Variants in HEXA observed in about 807,000 individuals in gnomAD.
HEXA encodes hexosaminidase subunit alpha, also known as beta-hexosaminidase subunit alpha.
In HEXA, 54 loss-of-function variants were observed where a neutral mutation model predicts 73.3. The observed-to-expected ratio is 0.74, with a 90% CI of 0.59 to 0.92. The LOEUF is 0.92. Among genes scored for constraint, HEXA ranks in the 40% least tolerant of loss-of-function variants. The pLI, the probability that HEXA is intolerant of heterozygous loss-of-function variation, is 0.00. For missense variants in HEXA, 649 were observed against 653.0 expected, an observed-to-expected ratio of 0.99 and a Z score of 0.07; for synonymous variants, 230 against 246.9, an observed-to-expected ratio of 0.93 and a Z score of 0.64.
In HEXA at chr15:72,353,130, G is replaced by A. The variant is rs121907972; in HGVS notation, c.508C>T (p.Arg170Trp). 1.6e-5 allele frequency: 26 copies of A among 1,613,514 alleles called. No homozygotes were observed. The highest frequency in any genetic ancestry group is 2.1e-5 in the Non-Finnish European group (25 of 1,179,620). ...EIEDFPRFPHRGLLLDTSRHY... is the reference protein window; with the variant it reads ...EIEDFPRFPHWGLLLDTSRHY... ...CGAGATGTATCCAACAGCAAGCCCC[G>A]GTGAGGAAAGCGGGGAAAGTCCTCA... The change falls in exon 5 of 14, where the codon CGG becomes TGG. Residue 170 changes from arginine to tryptophan, a missense_variant. Coordinates refer to ENST00000268097, the MANE Select transcript of HEXA (RefSeq NM_000520.6).
At chr15:72,346,784 AC>A in intron 10 of HEXA, 74 bp from the exon 11 acceptor site, 1 of 1,338,714 alleles carries the variant, frequency 7.5e-7, no homozygotes, top group African/African-American at 1.4e-5. Flanking sequence ...TACACAGGCA[AC>A]ATGGGACAAC....
chr15:72,357,780 C>T (rs1361066988), intron 1 of HEXA: 1 of 152,174 alleles, frequency 6.6e-6, no homozygotes, highest in African/African-American at 2.4e-5. Flanking sequence ...CTGCTCAGAC[C>T]TCTTGAGCAC....
At chr15:72,350,085 G>C in intron 7 of HEXA, 2 of 255,812 alleles carry the variant, frequency 7.8e-6, no homozygotes, top group Non-Finnish European at 1.5e-5. Flanking sequence ...TTTTCTATCA[G>C]GCCAGTAGCC....
intron 7 of HEXA, among the ~76,000 whole-genome samples, chr15:72,349,768 G>A (rs921591075): frequency 7.2e-5 from 11 of 151,938 alleles, no homozygotes; most frequent in African/African-American, 2.7e-4. Context: ...GGTTGTTGTT[G>A]TTTGTTTGTT....
intron 1 of HEXA, among the ~76,000 whole-genome samples, chr15:72,360,900 T>A (rs1190817131): frequency 6.6e-6 from 1 of 152,208 alleles, no homozygotes; most frequent in African/African-American, 2.4e-5. Flanking sequence ...AGTGCTTAGC[T>A]CAGTGCCTGG....
chr15:72,359,108 G>A (rs2088820794), intron 1 of HEXA: 1 of 152,208 alleles, frequency 6.6e-6, no homozygotes, highest in Non-Finnish European at 1.5e-5. Context: ...ACAGACCAGA[G>A]GGCTGGGAAA....
At chr15:72,374,857 C>T (rs2140343373) in intron 1 of HEXA, among the ~76,000 whole-genome samples, 1 of 152,212 alleles carries the variant, frequency 6.6e-6, no homozygotes, top group South Asian at 2.1e-4. Flanking sequence ...CCTCATCCCT[C>T]CTCAATCCCC....
intron 13 of HEXA, 61 bp downstream of exon 13, chr15:72,345,385 G>C (rs2088596620): frequency 6.2e-7 from 1 of 1,609,238 alleles, no homozygotes; most frequent in Admixed American, 1.7e-5. Context: ...CTCTCTCTAA[G>C]GGGTTCCCCA....
chr15:72,375,326 G>C (rs1298731863), intron 1 of HEXA, among the ~76,000 whole-genome samples: 1 of 152,112 alleles, frequency 6.6e-6, no homozygotes, highest in African/African-American at 2.4e-5. Context: ...CTGACCTCGT[G>C]ATCCGCCCGC....
At chr15:72,353,927 G>T (rs1479695752) in intron 3 of HEXA, 190 bp from the exon 4 acceptor site, 4 of 642,128 alleles carry the variant, frequency 6.2e-6, no homozygotes, top group Non-Finnish European at 1.1e-5. Context: ...CTTTACTTCT[G>T]TATTTCATTT....
chr15:72,347,793 T>G, intron 9 of HEXA, 35 bp from the exon 10 acceptor site: 1 of 1,586,058 alleles, frequency 6.3e-7, no homozygotes, highest in Non-Finnish European at 8.7e-7. Context: ...AAGTGTCTGC[T>G]TAGCTCAGAT....
rs1277583383 is a variant in HEXA, at chr15:72,375,966, T to C, written c.7A>G (p.Ser3Gly). ...AGCAGCGAAAACCAAAGCCTGGAGC[T>C]TGTCATGGCCCGCTGGTCTCCCCTC... MT[S>G]SRLWFSLLLA... The change falls in exon 1 of 14, where the codon AGC (serine) becomes GGC (glycine). Residue 3 changes from serine (S) to glycine (G), a missense_variant. Physicochemically the swap from Ser to Gly is moderately conservative, Grantham distance 56. Transcript: ENST00000268097. 1.8e-5 allele frequency: 29 copies of C among 1,613,588 alleles called. No individual in the cohort carries two copies. The highest frequency in any genetic ancestry group is 2.2e-5 in the East Asian group (1 of 44,868).
Position 72,344,014 on chromosome 15 carries a change from G to T in HEXA, c.*63C>A. On this transcript the variant is annotated 3_prime_UTR_variant, in exon 14 of 14. Coordinates refer to ENST00000268097, the MANE Select transcript of HEXA (RefSeq NM_000520.6). The stretch of plus-strand genomic sequence containing the variant: ...AGGGGCTCCGTCCCCTGGCCAGGAT[G>T]CAGTGGAAGCCTGGCTCCACTACCA... 7.3e-7 allele frequency: 1 copy of T among 1,378,212 alleles called. No individual in the cohort carries two copies. 85.4% of individuals were successfully genotyped at this position (1,378,212 alleles called of 1,614,324 possible).
At position 72,347,761 on chromosome 15, in the gene HEXA, G is replaced by T; in HGVS notation, c.1074-3C>A. On this transcript the variant is annotated splice_region_variant and splice_polypyrimidine_tract_variant and intron_variant, in intron 9 of 13. Coordinates refer to ENST00000268097, the MANE Select transcript of HEXA (RefSeq NM_000520.6). ...AAGAAGAGACGATGTCCAGCAGCCT[G>T]GAGAGGAGAGGAGTGTCTAGTAAGT... 1 of 1,613,668 alleles carries T rather than the reference G, an allele frequency of 6.2e-7. No homozygotes were observed. Among genetic ancestry groups the T allele is most frequent in the East Asian group, 2.2e-5 (1 of 44,880 alleles).
In HEXA at chr15:72,356,756, G is replaced by A. The variant is rs140772466; in HGVS notation, c.254-139C>T. On this transcript the variant is annotated intron_variant, in intron 1 of 13. Transcript: ENST00000268097. Reference sequence around the variant, plus strand: ...GACATGGCATTTACCCTTGGCATAGGCAGTGCCTGATCATCTGTTCAGCTG... The same window carrying A: ...GACATGGCATTTACCCTTGGCATAGACAGTGCCTGATCATCTGTTCAGCTG... The A allele has an allele frequency of 2.6e-4, 334 of 1,266,428 alleles. No homozygotes were observed. In the African/African-American group the frequency reaches 4.5e-3, roughly 17 times the overall value. The allele number at this position is 1,266,428 out of a possible 1,614,324, so 78.4% of individuals were successfully genotyped here. A position where few individuals can be genotyped will look rare whatever the true frequency, so the allele number is the denominator to read the frequency against.
chr15:72,370,515 AC>A, intron 1 of HEXA: 1 of 396,298 alleles, frequency 2.5e-6, no homozygotes, highest in Non-Finnish European at 4.4e-6. Flanking sequence ...ACACAGTAAG[AC>A]CCCCATCTCT....
rs747378954 is a variant in HEXA, at chr15:72,346,227, AC to A, written c.1421+7del. 3.7e-6 allele frequency: 6 copies of A among 1,609,958 alleles called. No individual in the cohort carries two copies. The highest frequency in any genetic ancestry group is 3.4e-6 in the Non-Finnish European group (4 of 1,177,120). ...CCAACCCTCCACCTCCCCCCCGAAA[AC>A]CCTTACCAGAGCCTGGGGACCAGGT... On this transcript the variant is annotated splice_region_variant and intron_variant, in intron 12 of 13. Coordinates refer to ENST00000268097, the MANE Select transcript of HEXA (RefSeq NM_000520.6).
intron 3 of HEXA, chr15:72,354,478 G>A (rs570961265): frequency 3.9e-5 from 6 of 152,460 alleles, no homozygotes; most frequent in African/African-American, 1.4e-4. Flanking sequence ...AGAGTCCCCA[G>A]TTTCAAAGTG....
At chr15:72,347,971 G>C in intron 9 of HEXA, 77 bp downstream of exon 9, 2 of 1,089,688 alleles carry the variant, frequency 1.8e-6, no homozygotes, top group Admixed American at 1.8e-5. Context: ...GCCAAGCAGG[G>C]CCTGACTCGG....
Sources: allele counts gnomAD v4.1 joint callset (sites outside exome capture counted in the v4.1 genomes callset), GRCh38; gene constraint gnomAD v4.1.1; transcripts MANE v1.5; gene names NCBI Gene and HGNC (gene_info 2026-07-23, HGNC 2026-07-21).